Variants in ABCA13 observed in about 807,000 individuals in gnomAD.
The protein encoded by ABCA13 is ATP binding cassette subfamily A member 13.
ABCA13 carries 476 observed loss-of-function variants against 478.7 expected under a neutral mutation model. The observed-to-expected ratio is 0.99, with a 90% CI of 0.92 to 1.07. The LOEUF (loss-of-function observed/expected upper bound fraction) is 1.07. Among genes scored for constraint, ABCA13 ranks in the 50% least tolerant of loss-of-function variants. The pLI, the probability that ABCA13 is intolerant of heterozygous loss-of-function variation, is 0.00. For missense variants in ABCA13, 6,060 were observed against 5,910.6 expected, an observed-to-expected ratio of 1.03 and a Z score of -0.83; for synonymous variants, 2,252 against 2,158.9, an observed-to-expected ratio of 1.04 and a Z score of -1.20.
chr7:48,569,865 A>G (rs1026773401), intron 55 of ABCA13, among the ~76,000 whole-genome samples: 3 of 152,150 alleles, frequency 2.0e-5, no homozygotes, highest in Admixed American at 6.5e-5. Context: ...TTTAATAGCC[A>G]AACACTTGTT....
At chr7:48,313,330 T>C (rs909125454) in intron 25 of ABCA13, 99 bp downstream of exon 25, 1 of 1,238,840 alleles carries the variant, frequency 8.1e-7, no homozygotes, top group Non-Finnish European at 1.1e-6. Flanking sequence ...AAAATTTGCA[T>C]TAGACAGCAA....
rs140957968 is a variant in ABCA13 at position 48,559,318 on chromosome 7, G to A, written c.14355-20906G>A. ...TCTCTCAGTGGCCACCATCACTACT[G>A]GCTCACAGGGAGTTCTTCAAGGCCA... is the stretch of plus-strand genomic sequence containing the variant. On this transcript the variant is annotated intron_variant, in intron 55 of 61. Coordinates refer to ENST00000435803, the MANE Select transcript of ABCA13 (RefSeq NM_152701.5). Among the ~76,000 whole-genome samples, 203 of 152,178 alleles carry A rather than the reference G, an allele frequency of 1.3e-3. 2 individuals are homozygous for A. The highest frequency in any genetic ancestry group is 4.8e-3 in the African/African-American group (198 of 41,518).
intron 20 of ABCA13, among the ~76,000 whole-genome samples, chr7:48,294,039 G>A (rs1798972390): frequency 6.6e-6 from 1 of 151,988 alleles, no homozygotes; most frequent in Non-Finnish European, 1.5e-5. Context: ...CATTGTGTTT[G>A]TGGCTGTGAA....
intron 20 of ABCA13, among the ~76,000 whole-genome samples, chr7:48,294,425 GTTTT>G (rs370890353): frequency 1.7e-4 from 14 of 80,388 alleles, no homozygotes; most frequent in African/African-American, 4.2e-4. Context: ...GTTTCTATGG[GTTTT>G]TTTTTTTTTT....
At chr7:48,637,021 A>G (rs1419875425) in intron 59 of ABCA13, among the ~76,000 whole-genome samples, 1 of 152,168 alleles carries the variant, frequency 6.6e-6, no homozygotes, top group Non-Finnish European at 1.5e-5. Flanking sequence ...GAGACGATAG[A>G]GGTTATTTGC....
At chr7:48,364,805 T>C (rs531097566) in intron 31 of ABCA13, among the ~76,000 whole-genome samples, 4 of 152,324 alleles carry the variant, frequency 2.6e-5, no homozygotes, top group African/African-American at 9.6e-5. Flanking sequence ...TATCTTTTCA[T>C]CCATTGATGA....
chr7:48,368,776 T>TACAC (rs4024053), intron 32 of ABCA13, among the ~76,000 whole-genome samples: 46 of 143,514 alleles, frequency 3.2e-4, no homozygotes, highest in Middle Eastern at 7.2e-3. Flanking sequence ...CATATACATA[T>TACAC]ACACACACAC....
chr7:48,405,095 C>A (rs967911906), intron 39 of ABCA13, among the ~76,000 whole-genome samples: 2 of 152,240 alleles, frequency 1.3e-5, no homozygotes, highest in Admixed American at 1.3e-4. Context: ...GTATTCCCTA[C>A]CTTTTCATGC....
intron 31 of ABCA13, among the ~76,000 whole-genome samples, chr7:48,356,129 A>G (rs1809871372): frequency 6.6e-6 from 1 of 151,982 alleles, no homozygotes; most frequent in Non-Finnish European, 1.5e-5. Flanking sequence ...CAAGCTGAGC[A>G]AAAGACTCCA....
intron 58 of ABCA13, chr7:48,603,758 AG>A (rs1366017284): frequency 6.3e-6 from 1 of 157,948 alleles, no homozygotes; most frequent in East Asian, 1.9e-4. Context: ...TGAGTTACAG[AG>A]GATTCCCTCT....
intron 3 of ABCA13, among the ~76,000 whole-genome samples, chr7:48,213,582 T>C (rs1051428114): frequency 2.6e-5 from 4 of 152,186 alleles, no homozygotes; most frequent in African/African-American, 9.7e-5. Context: ...TTTCTTTAAG[T>C]AAGACAGAAA....
At chr7:48,313,281 T>C in intron 25 of ABCA13, 50 bp downstream of exon 25, 1 of 1,541,082 alleles carries the variant, frequency 6.5e-7, no homozygotes, top group Non-Finnish European at 8.8e-7. Context: ...TTGCCCCTTC[T>C]TTGTATTTGC....
chr7:48,606,666 A>C (rs777904072), intron 58 of ABCA13, among the ~76,000 whole-genome samples: 2 of 152,178 alleles, frequency 1.3e-5, no homozygotes, highest in African/African-American at 4.8e-5. Flanking sequence ...ACCGGGAGCT[A>C]TCTCCCAGTC....
intron 27 of ABCA13, among the ~76,000 whole-genome samples, chr7:48,323,595 C>G (rs1803848495): frequency 6.6e-6 from 1 of 152,214 alleles, no homozygotes; most frequent in African/African-American, 2.4e-5. Context: ...CTCACAACCA[C>G]CACTGCAGGT....
Position 48,412,491 on chromosome 7 carries a change from G to A in ABCA13, c.12367G>A (p.Ala4123Thr), listed in dbSNP as rs1403784805. ...TYTIPKDTDK[A>T]CLKGLFQALD... The stretch of plus-strand genomic sequence containing the variant: ...CACCATTCCAAAGGACACAGACAAG[G>A]CCTGCTTGAAAGGGCTCTTCCAGGC... The change falls in exon 41 of 62, where the codon GCC becomes ACC. Residue 4123 changes from alanine to threonine, a missense_variant. By Grantham distance (58) the Ala-to-Thr change is moderately conservative. Coordinates refer to ENST00000435803, the MANE Select transcript of ABCA13 (RefSeq NM_152701.5). 2 of 1,613,438 alleles carry A rather than the reference G, an allele frequency of 1.2e-6. No homozygotes were observed. Among genetic ancestry groups the A allele is most frequent in the South Asian group, 1.1e-5 (1 of 91,062 alleles).
intron 29 of ABCA13, 121 bp downstream of exon 29, chr7:48,338,576 T>A (rs1188055624): frequency 1.6e-6 from 1 of 611,466 alleles, no homozygotes; most frequent in Non-Finnish European, 2.7e-6. Flanking sequence ...TTTTCCTCTC[T>A]CAGTTTCTAT....
chr7:48,565,601 T>C (rs1786968821), intron 55 of ABCA13, among the ~76,000 whole-genome samples: 1 of 152,066 alleles, frequency 6.6e-6, no homozygotes, highest in Admixed American at 6.6e-5. Flanking sequence ...TGGTTGCTCA[T>C]GTGTGTAATC....
At chr7:48,349,658 G>A (rs1051362994) in intron 29 of ABCA13, among the ~76,000 whole-genome samples, 2 of 152,216 alleles carry the variant, frequency 1.3e-5, no homozygotes, top group Non-Finnish European at 2.9e-5. Context: ...GAAACCAGTA[G>A]AGGAGGGAAG....
chr7:48,242,090 C>T (rs1457747290), intron 10 of ABCA13, among the ~76,000 whole-genome samples: 2 of 152,086 alleles, frequency 1.3e-5, no homozygotes, highest in Non-Finnish European at 2.9e-5. Context: ...GGACATTGCA[C>T]TGGGGATATT....
Sources: gnomAD v4.1 joint callset for allele counts (sites outside exome capture counted in the v4.1 genomes callset) on GRCh38, gnomAD v4.1.1 for gene constraint, MANE v1.5 for transcripts, NCBI Gene and HGNC (gene_info 2026-07-23, HGNC 2026-07-21) for gene names.